Variants in GALNT9 observed in about 807,000 individuals in gnomAD.
The protein encoded by GALNT9 is polypeptide N-acetylgalactosaminyltransferase 9, also known as GalNAc transferase 9.
In GALNT9, 47 loss-of-function variants were observed where a neutral mutation model predicts 63.1. That is an observed-to-expected ratio of 0.75 (90% CI 0.59 to 0.95). GALNT9 has a LOEUF of 0.95. Among genes scored for constraint, GALNT9 ranks in the 40% least tolerant of loss-of-function variants. The pLI, the probability that GALNT9 is intolerant of heterozygous loss-of-function variation, is 0.00. For missense variants in GALNT9, 829 were observed against 874.8 expected (o/e 0.95, Z 0.66); for synonymous variants, 396 against 365.7 (o/e 1.08, Z -0.94).
chr12:132,252,594 C>G lies in GALNT9; in HGVS notation c.960-4567G>C, dbSNP rs1457157211. ...AACCACTGCCATCAAGACACGGAGACCTGGCTGGGCGCACTGGCTCATGCC... is the reference window on the plus strand; with the variant it reads ...AACCACTGCCATCAAGACACGGAGAGCTGGCTGGGCGCACTGGCTCATGCC... On this transcript the variant is annotated intron_variant, in intron 5 of 10. Transcript: ENST00000328957. The surrounding 1 kb of genome is among the most constrained non-coding windows in gnomAD (Gnocchi z 5.2). Among the ~76,000 whole-genome samples the G allele has an allele frequency of 2.6e-5, 4 of 152,144 alleles. No homozygotes were observed. The highest frequency in any genetic ancestry group is 2.6e-4 in the Admixed American group (4 of 15,278).
intron 1 of GALNT9, among the ~76,000 whole-genome samples, chr12:132,308,922 G>T (rs1372050623): frequency 6.6e-6 from 1 of 152,162 alleles, no homozygotes; most frequent in African/African-American, 2.4e-5. Context: ...CGGGATGGCC[G>T]CACTGTGACT....
At chr12:132,203,912 CTTCT>C (rs564658549) in intron 6 of GALNT9, among the ~76,000 whole-genome samples, 21 of 152,182 alleles carry the variant, frequency 1.4e-4, no homozygotes, top group South Asian at 8.3e-4. Flanking sequence ...CTCTCTGGGA[CTTCT>C]TTCTCTTGTG....
intron 6 of GALNT9, among the ~76,000 whole-genome samples, chr12:132,223,109 C>T (rs1185214798): frequency 4.8e-5 from 6 of 123,768 alleles, no homozygotes; most frequent in African/African-American, 1.6e-4. Context: ...CTACACAACT[C>T]GCACCCCAGA....
chr12:132,305,974 C>T (rs1302570318), intron 1 of GALNT9, among the ~76,000 whole-genome samples: 3 of 151,814 alleles, frequency 2.0e-5, no homozygotes, highest in African/African-American at 7.3e-5. Context: ...GCACCTGGGC[C>T]GGGGGGCTCA....
intron 1 of GALNT9, among the ~76,000 whole-genome samples, chr12:132,305,149 A>G (rs1301321008): frequency 1.1e-4 from 6 of 52,998 alleles, no homozygotes; most frequent in Non-Finnish European, 1.3e-4. Flanking sequence ...GCCCGGGCAC[A>G]CCCTCGCCTG....
At chr12:132,309,223 A>C (rs782767176) in intron 1 of GALNT9, among the ~76,000 whole-genome samples, 6 of 152,230 alleles carry the variant, frequency 3.9e-5, no homozygotes, top group Non-Finnish European at 7.3e-5. Flanking sequence ...GGGAGGATCC[A>C]GCAATCTGAC....
intron 9 of GALNT9, 101 bp downstream of exon 9, chr12:132,199,073 C>T (rs947157216): frequency 1.3e-5 from 10 of 761,524 alleles, no homozygotes; most frequent in Middle Eastern, 7.2e-4. Flanking sequence ...CCTCAGAACA[C>T]CCCAGCAGGC....
intron 2 of GALNT9, among the ~76,000 whole-genome samples, chr12:132,266,218 G>T (rs1444578305): frequency 6.6e-6 from 1 of 151,984 alleles, no homozygotes; most frequent in African/African-American, 2.4e-5. Context: ...GCCTTTACAC[G>T]CCTGACCTCA....
intron 6 of GALNT9, chr12:132,240,836 A>AT (rs1878263830): frequency 2.5e-6 from 1 of 393,736 alleles, no homozygotes; most frequent in African/African-American, 2.2e-5. Context: ...CCCTATACCC[A>AT]TTACACACAC....
At chr12:132,203,734 A>G (rs10902510) in intron 6 of GALNT9, 44 bp from the exon 7 acceptor site, 1,252,848 of 1,587,126 alleles carry the variant, frequency 0.79, 495,913 homozygotes, top group Non-Finnish European at 0.81. Flanking sequence ...TCCCAACGGA[A>G]GCGGGCAGCC....
intron 1 of GALNT9, among the ~76,000 whole-genome samples, chr12:132,313,320 T>C (rs1881884386): frequency 8.4e-6 from 1 of 119,362 alleles, no homozygotes; most frequent in Non-Finnish European, 1.7e-5. Context: ...CACACACCAA[T>C]CCATCCACCC....
At chr12:132,240,867 C>T (rs1232949804) in intron 6 of GALNT9, 1 of 385,738 alleles carries the variant, frequency 2.6e-6, no homozygotes, top group Admixed American at 2.9e-5. Flanking sequence ...CTTCCCAGGG[C>T]CGTCCCTATA....
chr12:132,308,791 C>T lies in GALNT9; in HGVS notation c.238+20175G>A, dbSNP rs950298257. ...ACCTACCAGGCTGAGACTCCTGGGC[C>T]CTTCTGAGCCACGTGTGCACCGGCC... On this transcript the variant is annotated intron_variant, in intron 1 of 10. Coordinates refer to ENST00000328957, the MANE Select transcript of GALNT9 (RefSeq NM_001122636.2). Among the ~76,000 whole-genome samples, 3 of 152,356 alleles carry T rather than the reference C, an allele frequency of 2.0e-5. No homozygotes were observed. The East Asian group carries it at 5.8e-4, about 29-fold the overall frequency.
At chr12:132,213,003 C>T (rs1877017094) in intron 6 of GALNT9, among the ~76,000 whole-genome samples, 2 of 148,462 alleles carry the variant, frequency 1.3e-5, no homozygotes, top group African/African-American at 5.0e-5. Flanking sequence ...GAGACCGTGA[C>T]ACGGAAACCC....
At position 132,316,283 on chromosome 12, in the gene GALNT9, A is replaced by G. The variant is rs1454582409; in HGVS notation, c.238+12683T>C. On this transcript the variant is annotated intron_variant, in intron 1 of 10. Transcript: ENST00000328957. The surrounding 1 kb of genome is among the most constrained non-coding windows in gnomAD (Gnocchi z 4.3). ...GGGGTGCCATGATTCTCTACCATAC[A>G]GCCTGTGGGTTCTTCCCCAGCCCGA... 1.3e-5 allele frequency among the ~76,000 whole-genome samples: 2 copies of G among 152,000 alleles called. No individual in the cohort carries two copies. The highest frequency in any genetic ancestry group is 3.9e-4 in the East Asian group (2 of 5,186).
Position 132,327,586 on chromosome 12 carries a change from C to T in GALNT9, c.238+1380G>A, listed in dbSNP as rs1037725055. Among the ~76,000 whole-genome samples, 2 of 152,162 alleles carry T rather than the reference C, an allele frequency of 1.3e-5. No homozygotes were observed. The highest frequency in any genetic ancestry group is 2.4e-5 in the African/African-American group (1 of 41,440). On this transcript the variant is annotated intron_variant, in intron 1 of 10. Coordinates refer to ENST00000328957, the MANE Select transcript of GALNT9 (RefSeq NM_001122636.2). This position sits in a 1 kb window ranked among gnomAD's most constrained non-coding sequence, Gnocchi z 4.3. Reference sequence around the variant, plus strand: ...TGCTATTGCCGGGCACACCGCCTTCCGGGAGATGAATTGCTCTGCCGGGCG... The same window carrying T: ...TGCTATTGCCGGGCACACCGCCTTCTGGGAGATGAATTGCTCTGCCGGGCG...
At chr12:132,251,357 C>T (rs1485186087) in intron 5 of GALNT9, among the ~76,000 whole-genome samples, 3 of 152,214 alleles carry the variant, frequency 2.0e-5, no homozygotes, top group Non-Finnish European at 4.4e-5. Context: ...CAGTTCACGA[C>T]GCCGGTTACG....
chr12:132,207,747 TG>T (rs1384111448), intron 6 of GALNT9, among the ~76,000 whole-genome samples: 2 of 151,954 alleles, frequency 1.3e-5, no homozygotes, highest in Admixed American at 1.3e-4. Flanking sequence ...GCTTTCGGGG[TG>T]TGTGAGGTGC....
At position 132,196,899 on chromosome 12, in the gene GALNT9, AGCC is replaced by A. The variant is rs1875542542; in HGVS notation, c.*205_*207del. The A allele has an allele frequency of 7.2e-7, 1 of 1,393,708 alleles. No homozygotes were observed. The highest frequency in any genetic ancestry group is 1.5e-5 in the African/African-American group (1 of 68,260). The allele number at this position is 1,393,708 out of a possible 1,614,324, so 86.3% of individuals were successfully genotyped here. ...TCCCCAGACGCCCTCCCTCGGGTAG[AGCC>A]GCCTGTCCTAGGAGAAGCTGTACTC... is the stretch of plus-strand genomic sequence containing the variant. On this transcript the variant is annotated 3_prime_UTR_variant, in exon 11 of 11. Coordinates refer to ENST00000328957, the MANE Select transcript of GALNT9 (RefSeq NM_001122636.2).
Sources: allele counts gnomAD v4.1 joint callset (sites outside exome capture counted in the v4.1 genomes callset), GRCh38; gene constraint gnomAD v4.1.1; non-coding constraint Gnocchi (gnomAD v3.1); transcripts MANE v1.5; gene names NCBI Gene and HGNC (gene_info 2026-07-23, HGNC 2026-07-21).